The following PPM1H variants were observed in gnomAD, a reference collection of about 807,000 sequenced individuals.
PPM1H encodes protein phosphatase 1H.
Under a neutral mutation model 54.9 loss-of-function variants are expected in PPM1H, and 27 were observed. That is an observed-to-expected ratio of 0.49 (90% confidence interval 0.36 to 0.68). The LOEUF is 0.68. Ranked by LOEUF, PPM1H falls within the 30% of genes least tolerant of loss-of-function variation. PPM1H has a pLI of 0.00. For missense variants in PPM1H, 596 were observed against 667.8 expected, an observed-to-expected ratio of 0.89 and a Z score of 1.19; for synonymous variants, 305 against 270.8, an observed-to-expected ratio of 1.13 and a Z score of -1.24.
intron 1 of PPM1H, among the ~76,000 whole-genome samples, chr12:62,931,853 G>A (rs576352142): frequency 2.6e-5 from 4 of 152,258 alleles, no homozygotes; most frequent in Admixed American, 2.0e-4. Context: ...ATATATTTAA[G>A]AAGAATGAGG....
intron 8 of PPM1H, among the ~76,000 whole-genome samples, chr12:62,674,198 T>A (rs1222272439): frequency 6.6e-6 from 1 of 152,206 alleles, no homozygotes; most frequent in Non-Finnish European, 1.5e-5. Flanking sequence ...CATCTGAATA[T>A]CGTCTAGTTG....
intron 1 of PPM1H, among the ~76,000 whole-genome samples, chr12:62,846,100 A>C (rs1173171230): frequency 2.0e-5 from 3 of 152,152 alleles, no homozygotes; most frequent in African/African-American, 7.2e-5. Context: ...TTCTTAGTAA[A>C]TCCTGCACAG....
intron 1 of PPM1H, among the ~76,000 whole-genome samples, chr12:62,845,117 T>C (rs567196831): frequency 1.3e-5 from 2 of 152,238 alleles, no homozygotes; most frequent in South Asian, 4.1e-4. Context: ...GATGGCTCTT[T>C]TACAACATCA....
intron 2 of PPM1H, among the ~76,000 whole-genome samples, chr12:62,802,855 A>G (rs1232400011): frequency 6.6e-6 from 1 of 152,082 alleles, no homozygotes; most frequent in African/African-American, 2.4e-5. Context: ...AAGTGCTGAG[A>G]TTATCCCAAA....
chr12:62,918,723 T>G (rs1201162004), intron 1 of PPM1H, among the ~76,000 whole-genome samples: 3 of 152,156 alleles, frequency 2.0e-5, no homozygotes, highest in Non-Finnish European at 4.4e-5. Context: ...GGAAAAAAAA[T>G]GTGTGTTACA....
rs556845887 is a variant in PPM1H at position 62,867,446 on chromosome 12, T to C, written c.246-35167A>G. Reference sequence around the variant, plus strand: ...GAATTCACCTTCCTGCCTCCTCCCATAGACCCATATTAGTGCTAAATATAA... The same window carrying C: ...GAATTCACCTTCCTGCCTCCTCCCACAGACCCATATTAGTGCTAAATATAA... On this transcript the variant is annotated intron_variant, in intron 1 of 9. Transcript: ENST00000228705. Among the ~76,000 whole-genome samples, 8 of 151,780 alleles carry C rather than the reference T, an allele frequency of 5.3e-5. No individual in the cohort carries two copies. The East Asian group carries it at 1.4e-3, about 26-fold the overall frequency.
intron 2 of PPM1H, among the ~76,000 whole-genome samples, chr12:62,820,256 C>T (rs2076894742): frequency 1.3e-5 from 2 of 152,242 alleles, no homozygotes; most frequent in African/African-American, 2.4e-5. Context: ...TGGGGAAGCT[C>T]GAACTGGGCA....
chr12:62,709,104 C>T (rs193004509), intron 6 of PPM1H, among the ~76,000 whole-genome samples: 2 of 152,276 alleles, frequency 1.3e-5, no homozygotes, highest in Admixed American at 6.5e-5. Context: ...CACTGCCCAC[C>T]ACTGCTCTAC....
At chr12:62,930,992 C>G (rs1872115479) in intron 1 of PPM1H, among the ~76,000 whole-genome samples, 1 of 152,198 alleles carries the variant, frequency 6.6e-6, no homozygotes, top group Admixed American at 6.5e-5. Context: ...TCTTCAGTTT[C>G]TGCAACCTCA....
At chr12:62,651,359 T>G (rs1466169379) in intron 9 of PPM1H, among the ~76,000 whole-genome samples, 1 of 152,218 alleles carries the variant, frequency 6.6e-6, no homozygotes, top group African/African-American at 2.4e-5. Context: ...ATGGCTATTT[T>G]AAGCTCCAAA....
At chr12:62,832,337 C>A (rs1868378782) in intron 1 of PPM1H, 58 bp from the exon 2 acceptor site, 5 of 1,520,018 alleles carry the variant, frequency 3.3e-6, no homozygotes, top group Non-Finnish European at 4.5e-6. Context: ...GGGCACAGTC[C>A]CTTGTCAAGG....
At chr12:62,917,502 C>T (rs997124658) in intron 1 of PPM1H, among the ~76,000 whole-genome samples, 3 of 152,134 alleles carry the variant, frequency 2.0e-5, no homozygotes, top group African/African-American at 4.8e-5. Flanking sequence ...AGAACCATGT[C>T]TCAAAATGGA....
At chr12:62,793,982 T>C (rs1592602235) in intron 3 of PPM1H, among the ~76,000 whole-genome samples, 1 of 151,692 alleles carries the variant, frequency 6.6e-6, no homozygotes, top group East Asian at 2.0e-4. Context: ...ACCTGGCAGC[T>C]CCCCCTAGCT....
chr12:62,854,824 T>G, intron 1 of PPM1H, among the ~76,000 whole-genome samples: 1 of 151,062 alleles, frequency 6.6e-6, no homozygotes, highest in East Asian at 1.9e-4. Flanking sequence ...AAAGCAATAT[T>G]AAAAAAAAAC....
At chr12:62,762,758 G>T (rs191314056) in intron 4 of PPM1H, among the ~76,000 whole-genome samples, 3 of 152,102 alleles carry the variant, frequency 2.0e-5, no homozygotes, top group Non-Finnish European at 2.9e-5. Flanking sequence ...GTTCTTGAAC[G>T]TGGTGTCATC....
At position 62,679,839 on chromosome 12, in the gene PPM1H, A is replaced by G. The variant is rs77231329; in HGVS notation, c.1245+9860T>C. On this transcript the variant is annotated intron_variant, in intron 8 of 9. Transcript: ENST00000228705. The stretch of plus-strand genomic sequence containing the variant: ...AGCTTCTTTGTAAATATGCCTTTAC[A>G]CTGCAAAGTAGATTTCCTTTCTTAA... 6.9e-3 allele frequency among the ~76,000 whole-genome samples: 1,050 copies of G among 152,322 alleles called. 3 individuals are homozygous for G. The highest frequency in any genetic ancestry group is 0.011 in the Non-Finnish European group (776 of 68,042).
At chr12:62,911,725 C>T (rs1871465682) in intron 1 of PPM1H, among the ~76,000 whole-genome samples, 1 of 152,260 alleles carries the variant, frequency 6.6e-6, no homozygotes, top group East Asian at 1.9e-4. Flanking sequence ...CCCTCTACTG[C>T]ATGCCCATCA....
chr12:62,674,787 C>G (rs1012725200), intron 8 of PPM1H, among the ~76,000 whole-genome samples: 1 of 152,208 alleles, frequency 6.6e-6, no homozygotes, highest in Non-Finnish European at 1.5e-5. Context: ...GGGGCTAAAG[C>G]CTGGGGATGT....
At chr12:62,746,151 T>C (rs1250223234) in intron 4 of PPM1H, among the ~76,000 whole-genome samples, 1 of 152,020 alleles carries the variant, frequency 6.6e-6, no homozygotes. Flanking sequence ...GCTATGATCA[T>C]GCCACTGCAC....
Sources: allele counts gnomAD v4.1 joint callset (sites outside exome capture counted in the v4.1 genomes callset), GRCh38; gene constraint gnomAD v4.1.1; transcripts MANE v1.5; gene names NCBI Gene and HGNC (gene_info 2026-07-23, HGNC 2026-07-21).